The following FARP1 variants were observed in gnomAD, a reference collection of about 807,000 sequenced individuals.
The protein encoded by FARP1 is FERM, ARHGEF and pleckstrin domain-containing protein 1.
Under a neutral mutation model 128.8 loss-of-function variants are expected in FARP1, and 52 were observed. That is an observed-to-expected ratio of 0.40 (90% CI 0.32 to 0.51). FARP1 has a LOEUF of 0.51. Ranked by LOEUF, FARP1 falls within the 20% of genes least tolerant of loss-of-function variation. The pLI is 0.45. For missense variants in FARP1, 1,333 were observed against 1,367.9 expected (o/e 0.97, Z 0.40); for synonymous variants, 580 against 551.8 (o/e 1.05, Z -0.72).
chr13:98,445,237 C>CAACTT (rs1401377074), intron 24 of FARP1: 2 of 152,260 alleles, frequency 1.3e-5, no homozygotes, highest in Non-Finnish European at 2.9e-5. Flanking sequence ...CAATATTGGC[C>CAACTT]AACTTAACGA....
intron 2 of FARP1, among the ~76,000 whole-genome samples, chr13:98,318,134 A>G (rs1213797166): frequency 1.4e-5 from 2 of 147,622 alleles, no homozygotes; most frequent in Non-Finnish European, 3.0e-5. Flanking sequence ...CAGTGGCACA[A>G]TCATGGCTCA....
chr13:98,419,518 T>A (rs1178251872), intron 16 of FARP1, among the ~76,000 whole-genome samples: 12 of 89,398 alleles, frequency 1.3e-4, no homozygotes, highest in African/African-American at 9.1e-5. Context: ...ACACACACAC[T>A]CTGTTACTCT....
rs999236469 is a variant in FARP1, at chr13:98,377,693, C to T, written c.399-128C>T. ...CACTGCAGTGAATGGCAGCTGGAATCCGTTCCAGCCCATGCAGACTTCGTG... is the reference window on the plus strand; with the variant it reads ...CACTGCAGTGAATGGCAGCTGGAATTCGTTCCAGCCCATGCAGACTTCGTG... On this transcript the variant is annotated intron_variant, in intron 5 of 26. Transcript: ENST00000319562. 4 of 644,570 alleles carry T rather than the reference C, an allele frequency of 6.2e-6. No homozygotes were observed. In the African/African-American group the frequency reaches 7.3e-5, roughly 12 times the overall value. 39.9% of individuals were successfully genotyped at this position (644,570 alleles called of 1,614,324 possible).
At chr13:98,321,278 G>A (rs1048519775) in intron 2 of FARP1, among the ~76,000 whole-genome samples, 6 of 152,274 alleles carry the variant, frequency 3.9e-5, no homozygotes, top group Admixed American at 2.6e-4. Flanking sequence ...CTGTGGAGTC[G>A]TGGAGAAACT....
intron 2 of FARP1, among the ~76,000 whole-genome samples, chr13:98,307,130 T>C (rs1049405477): frequency 3.3e-5 from 5 of 152,212 alleles, no homozygotes; most frequent in Non-Finnish European, 7.3e-5. Context: ...TCTTAGGCTT[T>C]AGTCTTGAGT....
At chr13:98,395,116 GC>G in intron 12 of FARP1, 110 bp from the exon 13 acceptor site, 1 of 1,315,444 alleles carries the variant, frequency 7.6e-7, no homozygotes, top group Non-Finnish European at 1.0e-6. Flanking sequence ...CAGTTCTCCC[GC>G]CGCAGAGGCC....
intron 1 of FARP1, among the ~76,000 whole-genome samples, chr13:98,199,622 C>G (rs1879806405): frequency 6.6e-6 from 1 of 152,164 alleles, no homozygotes; most frequent in African/African-American, 2.4e-5. Context: ...TGGGTGCTTT[C>G]TACAAATATT....
chr13:98,349,149 G>T (rs1594431185), intron 3 of FARP1, among the ~76,000 whole-genome samples: 1 of 152,304 alleles, frequency 6.6e-6, no homozygotes, highest in Non-Finnish European at 1.5e-5. Context: ...CATTCGCTTT[G>T]TCATTTAGCT....
intron 2 of FARP1, among the ~76,000 whole-genome samples, chr13:98,286,356 A>G (rs1323436170): frequency 6.6e-6 from 1 of 152,098 alleles, no homozygotes; most frequent in Non-Finnish European, 1.5e-5. Flanking sequence ...CCCCACCTAA[A>G]TCTCAACTTG....
At chr13:98,350,398 G>T (rs1295488398) in intron 3 of FARP1, among the ~76,000 whole-genome samples, 2 of 152,112 alleles carry the variant, frequency 1.3e-5, no homozygotes, top group African/African-American at 2.4e-5. Context: ...TACTGTTCCC[G>T]CTCTGTCCGT....
intron 18 of FARP1, chr13:98,433,143 A>G (rs1892111425): frequency 6.6e-6 from 1 of 152,240 alleles, no homozygotes; most frequent in South Asian, 2.1e-4. Flanking sequence ...TGAGGCTGCG[A>G]CAGAAAGCAG....
At chr13:98,360,384 T>C (rs1178164058) in intron 3 of FARP1, among the ~76,000 whole-genome samples, 1 of 152,120 alleles carries the variant, frequency 6.6e-6, no homozygotes. Context: ...GCGTGAGCGC[T>C]CAGCTTAAGT....
chr13:98,251,560 G>C (rs1321878124), intron 2 of FARP1, among the ~76,000 whole-genome samples: 4 of 151,934 alleles, frequency 2.6e-5, no homozygotes, highest in African/African-American at 7.3e-5. Context: ...GCGCACACCT[G>C]TAATCCCAGC....
At chr13:98,328,912 T>C (rs1887353338) in intron 2 of FARP1, 1 of 152,150 alleles carries the variant, frequency 6.6e-6, no homozygotes, top group Admixed American at 6.5e-5. Context: ...ATTTCTGAAA[T>C]TTTCCATTTA....
At chr13:98,299,979 C>G (rs1337991136) in intron 2 of FARP1, among the ~76,000 whole-genome samples, 2 of 152,188 alleles carry the variant, frequency 1.3e-5, no homozygotes, top group African/African-American at 4.8e-5. Flanking sequence ...GCTACAGGAG[C>G]ATTGAAAGCT....
intron 2 of FARP1, among the ~76,000 whole-genome samples, chr13:98,220,026 G>A (rs868788814): frequency 7.0e-6 from 1 of 143,020 alleles, no homozygotes. Flanking sequence ...TTTTTGGTAA[G>A]CTGAAGAAAG....
At chr13:98,377,496 G>C (rs969276387) in intron 5 of FARP1, among the ~76,000 whole-genome samples, 3 of 151,872 alleles carry the variant, frequency 2.0e-5, no homozygotes, top group African/African-American at 7.3e-5. Flanking sequence ...ATGGATGACT[G>C]ATTCTGTGAA....
intron 2 of FARP1, among the ~76,000 whole-genome samples, chr13:98,288,254 A>G (rs1164129336): frequency 6.6e-6 from 1 of 152,184 alleles, no homozygotes; most frequent in East Asian, 1.9e-4. Flanking sequence ...TTGCTTATGC[A>G]TAGCTAAGTG....
At chr13:98,276,074 A>G (rs915301294) in intron 2 of FARP1, among the ~76,000 whole-genome samples, 5 of 152,154 alleles carry the variant, frequency 3.3e-5, no homozygotes, top group Non-Finnish European at 5.9e-5. Context: ...TCATGTTGAC[A>G]TCTCTGCATG....
Sources: gnomAD v4.1 joint callset for allele counts (sites outside exome capture counted in the v4.1 genomes callset) on GRCh38, gnomAD v4.1.1 for gene constraint, MANE v1.5 for transcripts, NCBI Gene and HGNC (gene_info 2026-07-23, HGNC 2026-07-21) for gene names.